Variants in SKAP1 observed in about 807,000 individuals in gnomAD.
SKAP1 encodes src kinase associated phosphoprotein 1, also known as src kinase-associated phosphoprotein 1.
SKAP1 carries 44 observed loss-of-function variants against 58.5 expected under a neutral mutation model. The observed-to-expected ratio is 0.75, with a 90% CI of 0.59 to 0.97. The LOEUF (loss-of-function observed/expected upper bound fraction) is 0.97, where lower values mean the gene tolerates loss of function less well. SKAP1 is among the 50% of genes least tolerant of loss of function. The probability of loss-of-function intolerance (pLI) is 0.00; values close to 1 mark genes in which losing one functional copy is unlikely to be tolerated. For missense variants in SKAP1, 390 were observed against 435.2 expected, an observed-to-expected ratio of 0.90 and a Z score of 0.92; for synonymous variants, 127 against 149.7, an observed-to-expected ratio of 0.85 and a Z score of 1.11.
chr17:48,336,150 T>C (rs918740310), intron 4 of SKAP1, among the ~76,000 whole-genome samples: 21 of 152,150 alleles, frequency 1.4e-4, no homozygotes, highest in African/African-American at 5.1e-4. Flanking sequence ...TTATAGACAT[T>C]CAATTACAAC....
At chr17:48,360,399 C>T (rs1039970389) in intron 3 of SKAP1, among the ~76,000 whole-genome samples, 3 of 152,100 alleles carry the variant, frequency 2.0e-5, no homozygotes, top group Non-Finnish European at 4.4e-5. Flanking sequence ...TGCTCAATAA[C>T]TTTAAGTGAT....
intron 4 of SKAP1, among the ~76,000 whole-genome samples, chr17:48,291,094 G>A (rs527592362): frequency 6.6e-6 from 1 of 152,132 alleles, no homozygotes; most frequent in Non-Finnish European, 1.5e-5. Context: ...ACTCCAGCCT[G>A]GGTGACAGAG....
chr17:48,388,255 GA>G (rs1407398378), intron 2 of SKAP1, among the ~76,000 whole-genome samples: 3 of 152,090 alleles, frequency 2.0e-5, no homozygotes, highest in African/African-American at 7.2e-5. Context: ...CCAACATGGT[GA>G]AACCCTGTCT....
intron 2 of SKAP1, among the ~76,000 whole-genome samples, chr17:48,366,866 ACT>A (rs1298210758): frequency 6.6e-6 from 1 of 151,952 alleles, no homozygotes; most frequent in Admixed American, 6.6e-5. Flanking sequence ...GTGTACGTAC[ACT>A]CTCTCTCTTC....
chr17:48,175,292 A>T (rs969402187), intron 9 of SKAP1, among the ~76,000 whole-genome samples: 3 of 152,260 alleles, frequency 2.0e-5, no homozygotes, highest in African/African-American at 4.8e-5. Context: ...AAAAATGCCA[A>T]CTGTGTAAAT....
chr17:48,405,392 C>CTTTCTTTCTTT (rs1491435155), intron 1 of SKAP1, among the ~76,000 whole-genome samples: 1 of 107,310 alleles, frequency 9.3e-6, no homozygotes, highest in Non-Finnish European at 1.9e-5. Flanking sequence ...TTTTCTCTTT[C>CTTTCTTTCTTT]CTTTCTTTCT....
At chr17:48,166,205 C>G (rs2064137311) in intron 10 of SKAP1, among the ~76,000 whole-genome samples, 1 of 152,188 alleles carries the variant, frequency 6.6e-6, no homozygotes, top group South Asian at 2.1e-4. Context: ...AAAGCAGCAT[C>G]TTACTCTCTT....
At chr17:48,234,510 G>A (rs925321533) in intron 4 of SKAP1, among the ~76,000 whole-genome samples, 24 of 152,144 alleles carry the variant, frequency 1.6e-4, no homozygotes, top group African/African-American at 4.8e-4. Context: ...TCTGGCATGA[G>A]GTAAATGGCA....
chr17:48,247,280 T>C (rs963190493), intron 4 of SKAP1, among the ~76,000 whole-genome samples: 1 of 152,108 alleles, frequency 6.6e-6, no homozygotes, highest in Non-Finnish European at 1.5e-5. Context: ...CAACTAGACA[T>C]CTATTAACTA....
intron 1 of SKAP1, among the ~76,000 whole-genome samples, chr17:48,426,874 T>C (rs1190837226): frequency 6.6e-6 from 1 of 151,874 alleles, no homozygotes; most frequent in African/African-American, 2.4e-5. Flanking sequence ...TTTCTCCACC[T>C]TCCATACCCC....
At chr17:48,175,438 T>G (rs1343284594) in intron 9 of SKAP1, among the ~76,000 whole-genome samples, 1 of 152,230 alleles carries the variant, frequency 6.6e-6, no homozygotes, top group African/African-American at 2.4e-5. Context: ...AATCCACGGA[T>G]GTATAGCACC....
At chr17:48,405,389 TTTCC>T (rs1555623928) in intron 1 of SKAP1, among the ~76,000 whole-genome samples, 120 of 147,728 alleles carry the variant, frequency 8.1e-4, no homozygotes, top group Admixed American at 1.1e-3. Flanking sequence ...TTTTTTTCTC[TTTCC>T]TTTCTTTCTT....
At chr17:48,279,653 T>C (rs1480479417) in intron 4 of SKAP1, among the ~76,000 whole-genome samples, 2 of 152,240 alleles carry the variant, frequency 1.3e-5, no homozygotes, top group African/African-American at 4.8e-5. Context: ...TGCCGAGAAA[T>C]TGAAGCCACT....
At chr17:48,373,373 CTCCCTTGACA>C (rs1220910704) in intron 2 of SKAP1, among the ~76,000 whole-genome samples, 1 of 152,192 alleles carries the variant, frequency 6.6e-6, no homozygotes, top group Non-Finnish European at 1.5e-5. Context: ...CACCAGGTCC[CTCCCTTGACA>C]TGTGGGGTTT....
chr17:48,204,083 TTC>T (rs1387067445), intron 4 of SKAP1: 1 of 148,876 alleles, frequency 6.7e-6, no homozygotes, highest in Non-Finnish European at 1.5e-5. Context: ...TCAGATTTTT[TTC>T]TTTTTTTTTT....
intron 1 of SKAP1, among the ~76,000 whole-genome samples, chr17:48,425,849 C>T (rs2067848959): frequency 6.6e-6 from 1 of 152,170 alleles, no homozygotes; most frequent in African/African-American, 2.4e-5. Flanking sequence ...ACTTACAAAG[C>T]AGTTCAGGGG....
chr17:48,315,667 C>T (rs1442860256), intron 4 of SKAP1, among the ~76,000 whole-genome samples: 2 of 152,158 alleles, frequency 1.3e-5, no homozygotes, highest in African/African-American at 4.8e-5. Context: ...TCAGGTTGAG[C>T]ATCCCTAATC....
At chr17:48,288,955 G>A (rs1390865539) in intron 4 of SKAP1, among the ~76,000 whole-genome samples, 1 of 152,156 alleles carries the variant, frequency 6.6e-6, no homozygotes, top group African/African-American at 2.4e-5. Context: ...ACAGAGAAGT[G>A]AAGCTGAACG....
intron 4 of SKAP1, among the ~76,000 whole-genome samples, chr17:48,250,895 G>T (rs1168301866): frequency 6.6e-6 from 1 of 151,910 alleles, no homozygotes; most frequent in African/African-American, 2.4e-5. Flanking sequence ...GGTGCCAAAT[G>T]GTAATAAAAC....
Sources: allele counts gnomAD v4.1 joint callset (sites outside exome capture counted in the v4.1 genomes callset), GRCh38; gene constraint gnomAD v4.1.1; transcripts MANE v1.5; gene names NCBI Gene and HGNC (gene_info 2026-07-23, HGNC 2026-07-21).